RALYL: variants seen among roughly 807,000 people sequenced by gnomAD.
RALYL encodes RALY RNA binding protein like, also known as RNA-binding Raly-like protein.
In RALYL, 29 loss-of-function variants were observed where a neutral mutation model predicts 35.1. The observed-to-expected ratio is 0.83, with a 90% CI of 0.61 to 1.13. RALYL has a LOEUF of 1.13. RALYL is among the 50% of genes most tolerant of loss of function. The probability of loss-of-function intolerance (pLI) is 0.00; values close to 1 mark genes in which losing one functional copy is unlikely to be tolerated. For missense variants in RALYL, 359 were observed against 360.4 expected (o/e 1.00, Z 0.03); for synonymous variants, 120 against 127.6 (o/e 0.94, Z 0.40).
intron 2 of RALYL, among the ~76,000 whole-genome samples, chr8:84,618,393 A>G (rs1343782311): frequency 6.6e-6 from 1 of 151,408 alleles, no homozygotes; most frequent in African/African-American, 2.4e-5. Context: ...AGGTGTTTGT[A>G]GTATTCTCTG....
chr8:84,529,448 T>A lies in RALYL; in HGVS notation c.127T>A (p.Ser43Thr). ...VKKVDIEAIF[S>T]KYGKIVGCSV... ...GAAAGTTGACATTGAAGCCATTTTT[T>A]CAAAGTATGGAAAAATAGTTGGATG... The change falls in exon 2 of 9, where the codon TCA becomes ACA. Residue 43 changes from serine to threonine, a missense_variant. By Grantham distance (58) the Ser-to-Thr change is moderately conservative. Coordinates refer to ENST00000521268, the MANE Select transcript of RALYL (RefSeq NM_173848.7). 1 of 1,613,698 alleles carries A rather than the reference T, an allele frequency of 6.2e-7. No individual in the cohort carries two copies. The highest frequency in any genetic ancestry group is 1.6e-4 in the Middle Eastern group (1 of 6,062).
At chr8:84,421,555 A>C (rs2045606079) in intron 1 of RALYL, among the ~76,000 whole-genome samples, 1 of 135,540 alleles carries the variant, frequency 7.4e-6, no homozygotes, top group African/African-American at 2.8e-5. Context: ...CTCCTGCCTA[A>C]TTGCCCTGGC....
chr8:84,833,754 G>A (rs2134429309), intron 4 of RALYL, among the ~76,000 whole-genome samples: 1 of 151,840 alleles, frequency 6.6e-6, no homozygotes, highest in South Asian at 2.1e-4. Context: ...GGAAGCCATA[G>A]ACAAGGTAGT....
At chr8:84,668,511 G>C (rs1451900024) in intron 2 of RALYL, among the ~76,000 whole-genome samples, 1 of 152,090 alleles carries the variant, frequency 6.6e-6, no homozygotes, top group Non-Finnish European at 1.5e-5. Flanking sequence ...TTAGAGTATA[G>C]AGTGCCTGGG....
chr8:84,241,308 G>T (rs1404659188), intron 1 of RALYL, among the ~76,000 whole-genome samples: 1 of 151,968 alleles, frequency 6.6e-6, no homozygotes, highest in African/African-American at 2.4e-5. Context: ...TGATTATCCT[G>T]CTTGTTTCTA....
intron 1 of RALYL, among the ~76,000 whole-genome samples, chr8:84,187,820 G>A (rs1812900199): frequency 6.6e-6 from 1 of 152,082 alleles, no homozygotes; most frequent in South Asian, 2.1e-4. Context: ...CCAGTGAGAA[G>A]TATAGGTCTG....
chr8:84,491,220 C>A (rs1304979985), intron 1 of RALYL, among the ~76,000 whole-genome samples: 1 of 151,910 alleles, frequency 6.6e-6, no homozygotes, highest in East Asian at 1.9e-4. Context: ...TCTCTCTATC[C>A]CCTACACATA....
At chr8:84,393,452 A>G (rs1040078331) in intron 1 of RALYL, among the ~76,000 whole-genome samples, 1 of 152,026 alleles carries the variant, frequency 6.6e-6, no homozygotes, top group African/African-American at 2.4e-5. Flanking sequence ...ACAATTTTTT[A>G]TAACCCAGTC....
chr8:84,417,690 C>T (rs1303158344), intron 1 of RALYL, among the ~76,000 whole-genome samples: 1 of 151,962 alleles, frequency 6.6e-6, no homozygotes, highest in South Asian at 2.1e-4. Flanking sequence ...CTAGATTTCC[C>T]ACACTTAAAT....
chr8:84,884,545 T>TAC (rs1051052903), intron 7 of RALYL, among the ~76,000 whole-genome samples: 5 of 151,578 alleles, frequency 3.3e-5, no homozygotes, highest in East Asian at 1.9e-4. Context: ...GTATATATAT[T>TAC]ACACACACAC....
chr8:84,415,213 T>A lies in RALYL; in HGVS notation c.-23-114086T>A, dbSNP rs538494890. 1.1e-4 allele frequency among the ~76,000 whole-genome samples: 17 copies of A among 151,348 alleles called. 1 individual carries two copies. Among genetic ancestry groups the A allele is most frequent in the African/African-American group, 2.2e-4 (9 of 41,174 alleles). On this transcript the variant is annotated intron_variant, in intron 1 of 8. Coordinates refer to ENST00000521268, the MANE Select transcript of RALYL (RefSeq NM_173848.7). ...TCTACTTGCAGACACTCGTTTTTTT[T>A]TTTTTGTTTTTTTGTTTTGTTTTGT... is the stretch of plus-strand genomic sequence containing the variant.
At chr8:84,504,390 T>A (rs2056983044) in intron 1 of RALYL, among the ~76,000 whole-genome samples, 1 of 152,148 alleles carries the variant, frequency 6.6e-6, no homozygotes, top group Admixed American at 6.6e-5. Flanking sequence ...ATGCTATGAA[T>A]AATAATAATT....
chr8:84,371,891 T>A (rs890191956), intron 1 of RALYL, among the ~76,000 whole-genome samples: 26 of 152,170 alleles, frequency 1.7e-4, no homozygotes, highest in African/African-American at 6.3e-4. Context: ...CAAACACACA[T>A]GCAGTCAGTG....
At chr8:84,523,980 G>A (rs1017626000) in intron 1 of RALYL, among the ~76,000 whole-genome samples, 4 of 152,062 alleles carry the variant, frequency 2.6e-5, no homozygotes, top group African/African-American at 7.2e-5. Flanking sequence ...AAACATACAT[G>A]TGCATGTGTC....
At chr8:84,912,786 A>G (rs530276499) in intron 8 of RALYL, among the ~76,000 whole-genome samples, 1 of 152,090 alleles carries the variant, frequency 6.6e-6, no homozygotes, top group Non-Finnish European at 1.5e-5. Context: ...GTTGATTTCA[A>G]ATCAAGTATT....
intron 1 of RALYL, among the ~76,000 whole-genome samples, chr8:84,303,297 T>G (rs1841170776): frequency 6.6e-6 from 1 of 152,204 alleles, no homozygotes; most frequent in Non-Finnish European, 1.5e-5. Context: ...TGTCTGTTAT[T>G]TACCTTGTTT....
At chr8:84,798,677 A>G (rs1178398122) in intron 3 of RALYL, among the ~76,000 whole-genome samples, 3 of 152,250 alleles carry the variant, frequency 2.0e-5, no homozygotes, top group Non-Finnish European at 4.4e-5. Flanking sequence ...AATGGTAAGT[A>G]GTATCACTGC....
chr8:84,195,076 A>G (rs1255297863), intron 1 of RALYL, among the ~76,000 whole-genome samples: 1 of 152,056 alleles, frequency 6.6e-6, no homozygotes, highest in African/African-American at 2.4e-5. Context: ...AAAACACACA[A>G]TGCTTACATT....
chr8:84,741,975 C>T (rs1362337020), intron 2 of RALYL, among the ~76,000 whole-genome samples: 1 of 150,882 alleles, frequency 6.6e-6, no homozygotes, highest in African/African-American at 2.4e-5. Flanking sequence ...TTCCTTTGAG[C>T]CTGGGTGGGG....
Sources: gnomAD v4.1 joint callset for allele counts (sites outside exome capture counted in the v4.1 genomes callset) on GRCh38, gnomAD v4.1.1 for gene constraint, MANE v1.5 for transcripts, NCBI Gene and HGNC (gene_info 2026-07-23, HGNC 2026-07-21) for gene names.